Variants in NFIC observed in about 807,000 individuals in gnomAD.
NFIC encodes the protein nuclear factor I C.
In NFIC, 12 loss-of-function variants were observed where a neutral mutation model predicts 54.4. The ratio of observed to expected loss-of-function variants is 0.22; its 90% CI spans 0.14 to 0.36. NFIC has a LOEUF of 0.36. NFIC is among the 10% of genes least tolerant of loss of function. The pLI, the probability that NFIC is intolerant of heterozygous loss-of-function variation, is 1.00. For missense variants in NFIC, 575 were observed against 718.2 expected (o/e 0.80, Z 2.28); for synonymous variants, 322 against 319.2 (o/e 1.01, Z -0.09).
At chr19:3,414,303 A>G (rs955530521) in intron 2 of NFIC, among the ~76,000 whole-genome samples, 1 of 152,156 alleles carries the variant, frequency 6.6e-6, no homozygotes, top group Non-Finnish European at 1.5e-5. Context: ...CCCTTTAAAA[A>G]TGGAAAAGAC....
At chr19:3,382,708 C>T (rs920147692) in intron 2 of NFIC, among the ~76,000 whole-genome samples, 2 of 146,644 alleles carry the variant, frequency 1.4e-5, no homozygotes, top group African/African-American at 2.6e-5. Flanking sequence ...CCGGGTGACA[C>T]GGGGCAAGGA....
rs2082500445 is a variant in NFIC at position 3,453,488 on chromosome 19, G to C, written c.1270-275G>C. Among the ~76,000 whole-genome samples, 1 of 152,204 alleles carries C rather than the reference G, an allele frequency of 6.6e-6. No individual in the cohort carries two copies. Among genetic ancestry groups the C allele is most frequent in the Non-Finnish European group, 1.5e-5 (1 of 68,034 alleles). ...GGTGGCACTGTTTGGAAGGAAATCA[G>C]TCGAGTTGGCGTGCAGGGGGTTTAC... On this transcript the variant is annotated intron_variant, in intron 8 of 10. Transcript: ENST00000443272. The surrounding 1 kb of genome is among the most constrained non-coding windows in gnomAD (Gnocchi z 6.7).
chr19:3,400,975 G>A (rs115903992), intron 2 of NFIC, among the ~76,000 whole-genome samples: 4,415 of 152,342 alleles, frequency 0.029, 215 homozygotes, highest in African/African-American at 0.1. Context: ...GGCTGTCTGA[G>A]GACCTGACAT....
At chr19:3,400,478 G>GAA (rs577379816) in intron 2 of NFIC, among the ~76,000 whole-genome samples, 3 of 147,430 alleles carry the variant, frequency 2.0e-5, no homozygotes, top group African/African-American at 7.4e-5. Context: ...CTCTGTCTCA[G>GAA]AAAAAAAAAA....
At chr19:3,434,527 C>T (rs1184133706) in intron 5 of NFIC, 127 bp downstream of exon 5, 1 of 1,365,306 alleles carries the variant, frequency 7.3e-7, no homozygotes, top group Non-Finnish European at 9.7e-7. Flanking sequence ...GCCTGAGAAA[C>T]TCCTACTCAT....
At chr19:3,455,739 A>C (rs1487984813) in intron 9 of NFIC, among the ~76,000 whole-genome samples, 1 of 152,056 alleles carries the variant, frequency 6.6e-6, no homozygotes, top group African/African-American at 2.4e-5. Context: ...TACAGTAGAC[A>C]CTTAATAGAT....
In NFIC at chr19:3,419,113, G is replaced by A. The variant is rs2081913379; in HGVS notation, c.563-5993G>A. Among the ~76,000 whole-genome samples the A allele has an allele frequency of 2.0e-5, 3 of 152,238 alleles. No individual in the cohort carries two copies. The South Asian group carries it at 6.2e-4, about 32-fold the overall frequency. On this transcript the variant is annotated intron_variant, in intron 2 of 10. Transcript: ENST00000443272. ...GGAGTGAGTGTTTCATGGGGACAGAGTTTCAGTTTGGGAAGAGTAGAAAGT... is the reference window on the plus strand; with the variant it reads ...GGAGTGAGTGTTTCATGGGGACAGAATTTCAGTTTGGGAAGAGTAGAAAGT...
At chr19:3,405,864 A>C (rs1222163252) in intron 2 of NFIC, among the ~76,000 whole-genome samples, 1 of 149,796 alleles carries the variant, frequency 6.7e-6, no homozygotes, top group East Asian at 2.0e-4. Flanking sequence ...TGGCCTCCCA[A>C]AGTGCTGGGA....
At chr19:3,361,054 A>C (rs1324696163) in intron 1 of NFIC, among the ~76,000 whole-genome samples, 2 of 152,070 alleles carry the variant, frequency 1.3e-5, no homozygotes, top group African/African-American at 4.8e-5. Flanking sequence ...CACCTTTTCA[A>C]AACTCTGTCC....
chr19:3,373,822 G>A (rs12974128), intron 1 of NFIC, among the ~76,000 whole-genome samples: 2 of 152,010 alleles, frequency 1.3e-5, no homozygotes, highest in Admixed American at 6.6e-5. Flanking sequence ...ACCTGGGACC[G>A]GCATGCAGCA....
chr19:3,405,057 C>G (rs1187573326), intron 2 of NFIC, among the ~76,000 whole-genome samples: 2 of 152,238 alleles, frequency 1.3e-5, no homozygotes, highest in Non-Finnish European at 2.9e-5. Context: ...CGGAGCCAGG[C>G]CATGGAGCCG....
chr19:3,366,539 G>C, upstream of NFIC: 1 of 565,080 alleles, frequency 1.8e-6, no homozygotes, highest in South Asian at 2.6e-5. Flanking sequence ...CGGGGCGGGG[G>C]GGGGGGTTGG....
At position 3,452,789 on chromosome 19, in the gene NFIC, CCCCT is replaced by C. The variant is rs1289573653; in HGVS notation, c.1269+126_1269+129del. On this transcript the variant is annotated intron_variant, in intron 8 of 10. Transcript: ENST00000443272. The surrounding 1 kb of genome is among the most constrained non-coding windows in gnomAD (Gnocchi z 5.3). The stretch of plus-strand genomic sequence containing the variant: ...GGTCTTGAGGACTTGGCTCTGAAGT[CCCCT>C]CCTCTGTCGTGCTGGGAGGCAGCTG... 4.1e-6 allele frequency: 5 copies of C among 1,212,064 alleles called. No homozygotes were observed. The African/African-American group carries it at 7.7e-5, about 19-fold the overall frequency. The allele number at this position is 1,212,064 out of a possible 1,614,324, so 75.1% of individuals were successfully genotyped here.
intron 10 of NFIC, among the ~76,000 whole-genome samples, chr19:3,461,642 G>A (rs1448276273): frequency 6.6e-6 from 1 of 151,814 alleles, no homozygotes; most frequent in African/African-American, 2.4e-5. Flanking sequence ...AGGATCACTT[G>A]AACCCAGGAA....
chr19:3,411,157 A>C (rs2081751772), intron 2 of NFIC: 1 of 151,848 alleles, frequency 6.6e-6, no homozygotes, highest in African/African-American at 2.4e-5. Context: ...CTGATACTAC[A>C]GGTGTGCATC....
upstream of NFIC, among the ~76,000 whole-genome samples, chr19:3,366,133 A>G (rs1372798597): frequency 6.6e-6 from 1 of 151,186 alleles, no homozygotes; most frequent in Non-Finnish European, 1.5e-5. Context: ...CTGGCCCCTC[A>G]ATGTCCAGAA....
intron 2 of NFIC, among the ~76,000 whole-genome samples, chr19:3,424,329 TTTTG>T (rs1568439932): frequency 1.5e-5 from 2 of 132,808 alleles, no homozygotes; most frequent in Non-Finnish European, 3.2e-5. Flanking sequence ...TGCCTGGCCG[TTTTG>T]TTTTATTTTT....
chr19:3,432,340 C>T (rs752517108), intron 3 of NFIC, among the ~76,000 whole-genome samples: 3 of 152,108 alleles, frequency 2.0e-5, no homozygotes, highest in Non-Finnish European at 4.4e-5. Flanking sequence ...TTTAACTGAC[C>T]CATTGCTGGG....
chr19:3,376,649 G>A (rs973872487), intron 1 of NFIC, among the ~76,000 whole-genome samples: 15 of 152,066 alleles, frequency 9.9e-5, no homozygotes, highest in Admixed American at 4.6e-4. Context: ...TGGGAGAATC[G>A]CTTGAGTCTG....
Sources: gnomAD v4.1 joint callset for allele counts (sites outside exome capture counted in the v4.1 genomes callset) on GRCh38, gnomAD v4.1.1 for gene constraint, Gnocchi (gnomAD v3.1) non-coding constraint, MANE v1.5 for transcripts, NCBI Gene and HGNC (gene_info 2026-07-23, HGNC 2026-07-21) for gene names.